The following LIPE variants were observed in gnomAD, a reference collection of about 807,000 sequenced individuals.
LIPE encodes the protein lipase E, hormone sensitive type.
In LIPE, 66 loss-of-function variants were observed where a neutral mutation model predicts 88.5. The ratio of observed to expected loss-of-function variants is 0.75; its 90% confidence interval spans 0.61 to 0.91. The LOEUF is 0.91. Ranked by LOEUF, LIPE falls within the 40% of genes least tolerant of loss-of-function variation. The pLI, the probability that LIPE is intolerant of heterozygous loss-of-function variation, is 0.00. For synonymous variants in LIPE, 570 were observed against 617.5 expected (o/e 0.92, Z 1.14); for missense variants, 1,346 against 1,434.7 (o/e 0.94, Z 1.00).
At position 42,407,234 on chromosome 19, in the gene LIPE, G is replaced by T; in HGVS notation, c.2077C>A (p.Arg693Ser). The change falls in exon 6 of 10, where the codon CGT becomes AGT. Residue 693 changes from arginine to serine, a missense_variant. By Grantham distance (110) the Arg-to-Ser change is moderately radical. Transcript: ENST00000244289. This position sits in a 1 kb window ranked among gnomAD's most constrained non-coding sequence, Gnocchi z 5.8. Reference sequence around the variant, plus strand: ...GCGAAGAAGCACTCCTCCAGCGCACGGGGGAAGGGGGCCTCAGGGGCCAGG... The same window carrying T: ...GCGAAGAAGCACTCCTCCAGCGCACTGGGGAAGGGGGCCTCAGGGGCCAGG... ...YSLAPEAPFP[R>S]ALEECFFAYC... The T allele has an allele frequency of 6.3e-7, 1 of 1,579,690 alleles. No individual in the cohort carries two copies. Among genetic ancestry groups the T allele is most frequent in the Non-Finnish European group, 8.6e-7 (1 of 1,162,614 alleles).
At position 42,426,825 on chromosome 19, in the gene LIPE, G is replaced by A. The variant is rs1348295862; in HGVS notation, c.325C>T (p.Gln109Ter). 3 of 1,614,054 alleles carry A rather than the reference G, an allele frequency of 1.9e-6. No homozygotes were observed. The African/African-American group carries it at 4.0e-5, about 22-fold the overall frequency. ...PYIQRVLLTQ[Q>*]EAASQQGPGL... ...GGTCCCTGCTGGGAGGCAGCTTCCT[G>A]TTGAGTGAGCAGCACCCTTTGGATG... The change falls in exon 1 of 10, where the codon CAG becomes TAG. Residue 109 changes from glutamine to a stop codon, truncating the protein, a stop_gained. Transcript: ENST00000244289. LOFTEE classifies it high-confidence loss of function.
rs1164488569 is a variant in LIPE at position 42,407,483 on chromosome 19, G to C, written c.1843-15C>G. ...TCCTCACTGTCCTGGGGGTGAGGAG[G>C]GAGACGGTGTGTGAGGTTGGGGAGA... is the stretch of plus-strand genomic sequence containing the variant. On this transcript the variant is annotated splice_polypyrimidine_tract_variant and intron_variant, in intron 5 of 9. Coordinates refer to ENST00000244289, the MANE Select transcript of LIPE (RefSeq NM_005357.4). The surrounding 1 kb of genome is among the most constrained non-coding windows in gnomAD (Gnocchi z 5.8). The C allele has an allele frequency of 1.2e-6, 2 of 1,602,824 alleles. No individual in the cohort carries two copies. The highest frequency in any genetic ancestry group is 2.7e-5 in the African/African-American group (2 of 74,718).
intron 1 of LIPE, chr19:42,424,853 T>C (rs1333869052): frequency 2.8e-6 from 1 of 354,620 alleles, no homozygotes; most frequent in Non-Finnish European, 5.6e-6. Context: ...GGGGCTCCTG[T>C]GAAGCAGGCA....
In LIPE at chr19:42,407,715, G is replaced by A. The variant is rs1472894025; in HGVS notation, c.1733C>T (p.Pro578Leu). 1 of 1,581,806 alleles carries A rather than the reference G, an allele frequency of 6.3e-7. No homozygotes were observed. Among genetic ancestry groups the A allele is most frequent in the East Asian group, 2.2e-5 (1 of 44,698 alleles). The change falls in exon 5 of 10, where the codon CCA (proline) becomes CTA (leucine). Residue 578 changes from proline to leucine, a missense_variant. Coordinates refer to ENST00000244289, the MANE Select transcript of LIPE (RefSeq NM_005357.4). The surrounding 1 kb of genome is among the most constrained non-coding windows in gnomAD (Gnocchi z 5.8). ...LSLPPEAFEMPLTADPTLTVT... is the reference protein window; with the variant it reads ...LSLPPEAFEMLLTADPTLTVT... Reference sequence around the variant, plus strand: ...CGTGAGCGTGGGGTCGGCAGTCAGTGGCATCTCAAAGGCTTCGGGTGGCAG... The same window carrying A: ...CGTGAGCGTGGGGTCGGCAGTCAGTAGCATCTCAAAGGCTTCGGGTGGCAG...
intron 1 of LIPE, among the ~76,000 whole-genome samples, chr19:42,419,758 G>A (rs2040559057): frequency 6.6e-6 from 1 of 152,154 alleles, no homozygotes; most frequent in African/African-American, 2.4e-5. Flanking sequence ...GGAAGCAAAG[G>A]CTTCTGAAGC....
chr19:42,402,168 G>A (rs1260514264), intron 9 of LIPE, 93 bp from the exon 10 acceptor site: 3 of 1,264,664 alleles, frequency 2.4e-6, no homozygotes, highest in Middle Eastern at 2.7e-4. Context: ...AACAAAGGGA[G>A]CGGGAAATAC....
intron 1 of LIPE, among the ~76,000 whole-genome samples, chr19:42,417,567 T>C (rs1037936313): frequency 6.6e-6 from 1 of 152,130 alleles, no homozygotes; most frequent in Admixed American, 6.5e-5. Flanking sequence ...TTTTTTGTGT[T>C]TTTTAAGAGA....
intron 1 of LIPE, among the ~76,000 whole-genome samples, chr19:42,422,693 G>A (rs2040622371): frequency 6.6e-6 from 1 of 152,178 alleles, no homozygotes; most frequent in South Asian, 2.1e-4. Context: ...CTGTTGGTCT[G>A]TCAGCCTTTG....
chr19:42,426,545 G>C lies in LIPE; in HGVS notation c.605C>G (p.Thr202Arg), dbSNP rs1187195056. The change falls in exon 1 of 10, where the codon ACA becomes AGA. Residue 202 changes from threonine to arginine, a missense_variant. Thr to Arg is a moderately conservative substitution (Grantham distance 71). Transcript: ENST00000244289. ...AAGTTTTGTTAGAAATCCCAGCTCT[G>C]TCAAAGATCCCTGCTTGGATTTGGC... ...QGAKSKQGSL[T>R]ELGFLTKLQE... 4.3e-6 allele frequency: 7 copies of C among 1,614,094 alleles called. No individual in the cohort carries two copies. Among genetic ancestry groups the C allele is most frequent in the Non-Finnish European group, 5.9e-6 (7 of 1,180,056 alleles).
At chr19:42,423,358 C>T (rs1221466700) in intron 1 of LIPE, 1 of 1,234,410 alleles carries the variant, frequency 8.1e-7, no homozygotes, top group Admixed American at 2.3e-5. Context: ...CACGCTGTCC[C>T]CACTGCCCCG....
intron 1 of LIPE, among the ~76,000 whole-genome samples, chr19:42,418,330 G>T (rs2040530454): frequency 1.3e-5 from 2 of 152,134 alleles, no homozygotes; most frequent in Admixed American, 1.3e-4. Context: ...CTATCAAACA[G>T]CATCACATGT....
At chr19:42,404,753 A>G (rs1229747246) in intron 8 of LIPE, among the ~76,000 whole-genome samples, 1 of 152,252 alleles carries the variant, frequency 6.6e-6, no homozygotes. Context: ...GGTCACTGGA[A>G]CAGAATGGAC....
At chr19:42,404,301 G>A (rs1224374833) in intron 8 of LIPE, among the ~76,000 whole-genome samples, 7 of 150,886 alleles carry the variant, frequency 4.6e-5, no homozygotes, top group Admixed American at 1.3e-4. Flanking sequence ...GCGTGATCTC[G>A]GCTCACTGCA....
Position 42,426,621 on chromosome 19 carries a change from A to C in LIPE, c.529T>G (p.Ser177Ala). 1 of 1,614,066 alleles carries C rather than the reference A, an allele frequency of 6.2e-7. No homozygotes were observed. The highest frequency in any genetic ancestry group is 1.1e-5 in the South Asian group (1 of 91,088). Reference protein sequence around the residue: ...REPSAPTESTSQETPEQSDKQ... With the variant: ...REPSAPTESTAQETPEQSDKQ... ...TCTGACTGTTCAGGTGTCTCTTGGGACGTAGATTCAGTCGGGGCAGATGGC... is the reference window on the plus strand; with the variant it reads ...TCTGACTGTTCAGGTGTCTCTTGGGCCGTAGATTCAGTCGGGGCAGATGGC... The change falls in exon 1 of 10, where the codon TCC becomes GCC. Residue 177 changes from serine (S) to alanine (A), a missense_variant. Coordinates refer to ENST00000244289, the MANE Select transcript of LIPE (RefSeq NM_005357.4).
At chr19:42,404,606 C>A (rs113255798) in intron 8 of LIPE, among the ~76,000 whole-genome samples, 1 of 151,948 alleles carries the variant, frequency 6.6e-6, no homozygotes, top group African/African-American at 2.4e-5. Context: ...TCAAGTGATC[C>A]GCCTGCCTTG....
chr19:42,423,497 T>C (rs1485889554), intron 1 of LIPE: 3 of 1,281,468 alleles, frequency 2.3e-6, no homozygotes, highest in Non-Finnish European at 3.0e-6. Context: ...GCCGGGGCCA[T>C]AGCGGCCTCG....
chr19:42,426,842 C>T lies in LIPE; in HGVS notation c.308G>A (p.Arg103Lys), dbSNP rs777134809. 8 of 1,614,040 alleles carry T rather than the reference C, an allele frequency of 5.0e-6. No homozygotes were observed. Among genetic ancestry groups the T allele is most frequent in the East Asian group, 4.5e-5 (2 of 44,886 alleles). The change falls in exon 1 of 10, where the codon AGG becomes AAG. Residue 103 changes from arginine to lysine, a missense_variant. By Grantham distance (26) the Arg-to-Lys change is conservative. Coordinates refer to ENST00000244289, the MANE Select transcript of LIPE (RefSeq NM_005357.4). ...PAPQQSPYIQ[R>K]VLLTQQEAAS... ...AGCTTCCTGTTGAGTGAGCAGCACC[C>T]TTTGGATGTAAGGTGATTGCTGTGG...
chr19:42,423,942 C>T (rs1487281996), intron 1 of LIPE: 19 of 1,169,244 alleles, frequency 1.6e-5, no homozygotes, highest in African/African-American at 1.6e-5. Flanking sequence ...GGAGGGATGC[C>T]CTAGCACGCG....
intron 1 of LIPE, among the ~76,000 whole-genome samples, chr19:42,422,191 T>C (rs1322703837): frequency 6.6e-6 from 1 of 152,224 alleles, no homozygotes; most frequent in Non-Finnish European, 1.5e-5. Context: ...TCCTGAGGGT[T>C]TGCTGCGTGC....
Sources: allele counts gnomAD v4.1 joint callset (sites outside exome capture counted in the v4.1 genomes callset), GRCh38; gene constraint gnomAD v4.1.1; non-coding constraint Gnocchi (gnomAD v3.1); transcripts MANE v1.5; gene names NCBI Gene and HGNC (gene_info 2026-07-23, HGNC 2026-07-21).